Variants in AR observed in about 807,000 individuals in gnomAD.
The protein encoded by AR is androgen receptor, also known as dihydrotestosterone receptor.
AR carries 8 observed loss-of-function variants against 53.9 expected under a neutral mutation model. That is an observed-to-expected ratio of 0.15 (90% CI 0.09 to 0.27). AR has a LOEUF of 0.27. AR is among the 10% of genes least tolerant of loss of function. The pLI is 1.00. For synonymous variants in AR, 359 were observed against 316.4 expected (o/e 1.13, Z -1.43); for missense variants, 639 against 742.5 (o/e 0.86, Z 1.62).
chrX:67,692,965 T>A (rs941007705), intron 3 of AR, among the ~76,000 whole-genome samples: 1 of 112,578 alleles, frequency 8.9e-6, no homozygotes, highest in African/African-American at 3.2e-5. Flanking sequence ...GGAAAAGCTT[T>A]ATGTCTCTCT....
intron 1 of AR, among the ~76,000 whole-genome samples, chrX:67,565,802 C>T (rs887957471): frequency 1.4e-4 from 16 of 111,586 alleles, no homozygotes; most frequent in Admixed American, 1.4e-3. Flanking sequence ...AAGTGATTCT[C>T]GTGCCTCAAC....
rs1491314537 is a variant in AR at position 67,728,575 on chromosome X, A to AT, written c.*4735dup. On this transcript the variant is annotated 3_prime_UTR_variant, in exon 8 of 8. Coordinates refer to ENST00000374690, the MANE Select transcript of AR (RefSeq NM_000044.6). ...TTTGTATCCATGTTTCAAAATTGAA[A>AT]TATATATATATATATATATATATAT... 4.6e-4 allele frequency: 3 copies of AT among 6,456 alleles called. No individual in the cohort carries two copies. Among genetic ancestry groups the AT allele is most frequent in the African/African-American group, 6.3e-4 (1 of 1,587 alleles). The allele number at this position is 6,456 out of a possible 1,213,427, so 0.5% of individuals were successfully genotyped here. A position where few individuals can be genotyped will look rare whatever the true frequency, so the allele number is the denominator to read the frequency against.
intron 1 of AR, among the ~76,000 whole-genome samples, chrX:67,591,450 T>A (rs1034563629): frequency 1.8e-5 from 2 of 111,776 alleles, no homozygotes; most frequent in Non-Finnish European, 3.8e-5. Context: ...AATAAAGTAC[T>A]CCTTTCAACT....
At chrX:67,716,079 G>A (rs1245076760) in intron 4 of AR, among the ~76,000 whole-genome samples, 7 of 111,382 alleles carry the variant, frequency 6.3e-5, no homozygotes, top group African/African-American at 2.3e-4. Context: ...TTTTACAAAA[G>A]GAAAAAAAAT....
intron 7 of AR, among the ~76,000 whole-genome samples, chrX:67,723,388 G>A (rs1291569919): frequency 4.8e-5 from 5 of 103,449 alleles, no homozygotes; most frequent in Non-Finnish European, 9.9e-5. Flanking sequence ...GATGGAGTGC[G>A]GAGGCTTGGG....
chrX:67,723,002 G>A lies in AR; in HGVS notation c.2607+18G>A, dbSNP rs746685186. The A allele has an allele frequency of 3.3e-6, 4 of 1,207,999 alleles. No homozygotes were observed. The highest frequency in any genetic ancestry group is 5.9e-5 in the East Asian group (2 of 33,710). Reference sequence around the variant, plus strand: ...TGCAGCCTGTAAGCAAACGATGGAGGGTGCTTTATCAGGGAGAACAGCCTG... The same window carrying A: ...TGCAGCCTGTAAGCAAACGATGGAGAGTGCTTTATCAGGGAGAACAGCCTG... On this transcript the variant is annotated intron_variant, in intron 7 of 7. Coordinates refer to ENST00000374690, the MANE Select transcript of AR (RefSeq NM_000044.6).
rs964864747 is a variant in AR, at chrX:67,677,601, G to T, written c.1769-8409G>T. 7.1e-5 allele frequency among the ~76,000 whole-genome samples: 8 copies of T among 112,064 alleles called. No homozygotes were observed. The East Asian group carries it at 1.1e-3, about 16-fold the overall frequency. On this transcript the variant is annotated intron_variant, in intron 2 of 7. Coordinates refer to ENST00000374690, the MANE Select transcript of AR (RefSeq NM_000044.6). ...GTGTGAATATAGCCTCTTATAAATC[G>T]AGAGGAATGGTCTGTGTCTTCTGAT...
At chrX:67,722,133 G>T (rs372654530) in intron 6 of AR, 170 bp downstream of exon 6, 2 of 616,415 alleles carry the variant, frequency 3.2e-6, no homozygotes, top group African/African-American at 2.3e-5. Flanking sequence ...TTCCTAACAA[G>T]AAACAATTTC....
At position 67,555,845 on chromosome X, in the gene AR, G is replaced by A. The variant is rs775038615; in HGVS notation, c.1616+9083G>A. Among the ~76,000 whole-genome samples, 6 of 112,431 alleles carry A rather than the reference G, an allele frequency of 5.3e-5. No homozygotes were observed. The South Asian group carries it at 1.9e-3, about 35-fold the overall frequency. ...CTGGGAATGGTGAGCCTCCATTGAT[G>A]GTTTCAACACACAGCCAAGGCCCTA... On this transcript the variant is annotated intron_variant, in intron 1 of 7. Transcript: ENST00000374690.
rs1032339645 is a variant in AR at position 67,729,896 on chromosome X, C to T, written c.*6055C>T. On this transcript the variant is annotated 3_prime_UTR_variant, in exon 8 of 8. Transcript: ENST00000374690. ...AACCTTAGCCCTTGGTGCTAACTGTCCTACAGTGAAGTGCCTGGGGGGTTG... is the reference window on the plus strand; with the variant it reads ...AACCTTAGCCCTTGGTGCTAACTGTTCTACAGTGAAGTGCCTGGGGGGTTG... 3.5e-4 allele frequency: 60 copies of T among 171,617 alleles called. No homozygotes were observed. Among genetic ancestry groups the T allele is most frequent in the Admixed American group, 5.7e-4 (7 of 12,344 alleles). 14.1% of individuals were successfully genotyped at this position (171,617 alleles called of 1,213,427 possible).
At chrX:67,565,357 T>A (rs966076551) in intron 1 of AR, among the ~76,000 whole-genome samples, 1 of 112,019 alleles carries the variant, frequency 8.9e-6, no homozygotes, top group Non-Finnish European at 1.9e-5. Context: ...TTCTCTTTTT[T>A]CCTTTCCCTC....
rs752267621 is a variant in AR, at chrX:67,660,241, G to T, written c.1768+16834G>T. ...AATTAGATCCCATTTGTCAATTTTGGCTTTTGTTGCCATTGCTTTTGGTGT... is the reference window on the plus strand; with the variant it reads ...AATTAGATCCCATTTGTCAATTTTGTCTTTTGTTGCCATTGCTTTTGGTGT... On this transcript the variant is annotated intron_variant, in intron 2 of 7. Coordinates refer to ENST00000374690, the MANE Select transcript of AR (RefSeq NM_000044.6). 1.6e-4 allele frequency among the ~76,000 whole-genome samples: 18 copies of T among 111,904 alleles called. No individual in the cohort carries two copies. In the South Asian group the frequency reaches 4.5e-3, roughly 28 times the overall value.
chrX:67,697,748 G>A (rs4292843), intron 3 of AR, among the ~76,000 whole-genome samples: 1 of 111,615 alleles, frequency 9.0e-6, no homozygotes, highest in Non-Finnish European at 1.9e-5. Context: ...AAAAACTGAG[G>A]TGTAGGAGAA....
rs897787779 is a variant in AR, at chrX:67,726,957, G to A, written c.*3116G>A. On this transcript the variant is annotated 3_prime_UTR_variant, in exon 8 of 8. Transcript: ENST00000374690. ...ATCTCCAAACAAGTTGGCAGTGCTCGATGTGGACGAAGAGTGAGGAAGAGA... is the reference window on the plus strand; with the variant it reads ...ATCTCCAAACAAGTTGGCAGTGCTCAATGTGGACGAAGAGTGAGGAAGAGA... 6 of 172,500 alleles carry A rather than the reference G, an allele frequency of 3.5e-5. No homozygotes were observed. Among genetic ancestry groups the A allele is most frequent in the East Asian group, 8.2e-5 (1 of 12,147 alleles). 14.2% of individuals were successfully genotyped at this position (172,500 alleles called of 1,213,427 possible).
At chrX:67,616,451 T>C (rs1162937388) in intron 1 of AR, among the ~76,000 whole-genome samples, 8 of 110,676 alleles carry the variant, frequency 7.2e-5, no homozygotes, top group African/African-American at 2.3e-4. Flanking sequence ...ATGCGGTGTT[T>C]CGTTTTCTGT....
rs373124537 is a variant in AR at position 67,545,138 on chromosome X, A to G, written c.-9A>G. 5.1e-5 allele frequency: 61 copies of G among 1,193,729 alleles called. No individual in the cohort carries two copies. Among genetic ancestry groups the G allele is most frequent in the Non-Finnish European group, 6.7e-5 (60 of 889,185 alleles). On this transcript the variant is annotated 5_prime_UTR_variant, in exon 1 of 8. Transcript: ENST00000374690. ...GGGAAGTAGGTGGAAGATTCAGCCAAGCTCAAGGATGGAAGTGCAGTTAGG... is the reference window on the plus strand; with the variant it reads ...GGGAAGTAGGTGGAAGATTCAGCCAGGCTCAAGGATGGAAGTGCAGTTAGG...
intron 1 of AR, among the ~76,000 whole-genome samples, chrX:67,560,258 G>A (rs763762705): frequency 9.0e-6 from 1 of 111,336 alleles, no homozygotes; most frequent in East Asian, 2.9e-4. Context: ...GGGATATGCT[G>A]TTTCCCAAAG....
chrX:67,708,399 T>G (rs1394885545), intron 3 of AR, among the ~76,000 whole-genome samples: 1 of 112,039 alleles, frequency 8.9e-6, no homozygotes, highest in African/African-American at 3.2e-5. Flanking sequence ...CATTTGATCT[T>G]CAATCACTGA....
chrX:67,674,576 C>T (rs1012877619), intron 2 of AR, among the ~76,000 whole-genome samples: 1 of 111,262 alleles, frequency 9.0e-6, no homozygotes, highest in Admixed American at 9.5e-5. Flanking sequence ...CTGTGGCCAC[C>T]ACCACCCCCA....
Sources: gnomAD v4.1 joint callset for allele counts (sites outside exome capture counted in the v4.1 genomes callset) on GRCh38, gnomAD v4.1.1 for gene constraint, MANE v1.5 for transcripts, NCBI Gene and HGNC (gene_info 2026-07-23, HGNC 2026-07-21) for gene names.